Variants in C1QTNF5 observed in about 807,000 individuals in gnomAD.
C1QTNF5 encodes the protein C1q and TNF related 5.
C1QTNF5 carries 5 observed loss-of-function variants against 10.9 expected under a neutral mutation model. The observed-to-expected ratio is 0.46, with a 90% CI of 0.24 to 0.97. C1QTNF5 has a LOEUF of 0.97. C1QTNF5 is among the 50% of genes least tolerant of loss of function. The pLI is 0.19. For missense variants in C1QTNF5, 281 were observed against 339.4 expected (o/e 0.83, Z 1.35); for synonymous variants, 161 against 156.5 (o/e 1.03, Z -0.22).
chr11:119,344,922 C>T (rs752266854), upstream of C1QTNF5: 15 of 1,611,798 alleles, frequency 9.3e-6, no homozygotes, highest in African/African-American at 1.3e-5. Flanking sequence ...CCAAATCCTT[C>T]CACACTGCTG....
upstream of C1QTNF5, chr11:119,345,299 C>T (rs1388319994): frequency 5.8e-6 from 6 of 1,035,026 alleles, no homozygotes; most frequent in African/African-American, 3.2e-5. Flanking sequence ...CAGAGCTGGG[C>T]CCAGAGGTCT....
In C1QTNF5 at chr11:119,339,688, G is replaced by A. The variant is rs749765891; in HGVS notation, c.375C>T (p.Phe125=). The A allele has an allele frequency of 5.0e-6, 8 of 1,609,324 alleles. No homozygotes were observed. In the African/African-American group the frequency reaches 1.1e-4, roughly 21 times the overall value. ...VPPPSDAPLP[F]DRVLVNEQGH... ...CCTGCTCGTTCACCAGCACGCGGTC[G>A]AAGGGCAAGGGTGCGTCAGACGGCG... is the stretch of plus-strand genomic sequence containing the variant. Residue 125 remains phenylalanine, a synonymous_variant, in exon 3 of 3, where the codon TTC becomes TTT. Coordinates refer to ENST00000528368, the MANE Select transcript of C1QTNF5 (RefSeq NM_001278431.2). The surrounding 1 kb of genome is among the most constrained non-coding windows in gnomAD (Gnocchi z 5.4).
At chr11:119,345,809 G>A (rs749547721), upstream of C1QTNF5, 3 of 1,613,854 alleles carry the variant, frequency 1.9e-6, no homozygotes, top group South Asian at 3.3e-5. Context: ...GACTCCTGCT[G>A]CCCTTTAGGG....
chr11:119,344,494 A>C, upstream of C1QTNF5: 3 of 1,569,656 alleles, frequency 1.9e-6, no homozygotes, highest in Non-Finnish European at 2.6e-6. Flanking sequence ...TGCCCATGGG[A>C]AACAAGTTCT....
At chr11:119,342,926 C>T (rs1950517799), upstream of C1QTNF5, 1 of 1,612,694 alleles carries the variant, frequency 6.2e-7, no homozygotes, top group Non-Finnish European at 8.5e-7. Flanking sequence ...ACTGCTGATG[C>T]CATGATCTGT....
At chr11:119,345,821 T>C, upstream of C1QTNF5, 3 of 1,613,700 alleles carry the variant, frequency 1.9e-6, no homozygotes, top group Non-Finnish European at 2.5e-6. Flanking sequence ...CCTTTAGGGG[T>C]CCCAGCTGCC....
upstream of C1QTNF5, chr11:119,344,185 C>T (rs1565294269): frequency 3.0e-6 from 3 of 1,007,900 alleles, no homozygotes; most frequent in East Asian, 4.9e-5. Flanking sequence ...TTCCCCCATC[C>T]CCCGTCTGCT....
At position 119,340,302 on chromosome 11, in the gene C1QTNF5, G is replaced by C. The variant is rs760578346; in HGVS notation, c.96C>G (p.Pro32=). The C allele has an allele frequency of 8.5e-6, 13 of 1,535,396 alleles. No individual in the cohort carries two copies. The highest frequency in any genetic ancestry group is 2.8e-5 in the African/African-American group (2 of 70,868). Residue 32 remains proline (P), a synonymous_variant, in exon 2 of 3, where the codon CCC becomes CCG. Coordinates refer to ENST00000528368, the MANE Select transcript of C1QTNF5 (RefSeq NM_001278431.2). ...GGTGGCCCGGCGTGCCTGGAAGGCC[G>C]GGGTGCCCCGGGCAGAGGCTGGGGA... ...NKIPSLCPGH[P]GLPGTPGHHG... is the part of the protein sequence containing the mutation.
upstream of C1QTNF5, chr11:119,344,802 C>A: frequency 6.2e-7 from 1 of 1,613,754 alleles, no homozygotes; most frequent in Non-Finnish European, 8.5e-7. Flanking sequence ...AGTCTCCACC[C>A]CTTTGACAGG....
rs375027689 is a variant in C1QTNF5 at position 119,340,421 on chromosome 11, C to G, written c.-24G>C. The G allele has an allele frequency of 6.5e-7, 1 of 1,539,182 alleles. No individual in the cohort carries two copies. Among genetic ancestry groups the G allele is most frequent in the African/African-American group, 1.4e-5 (1 of 72,566 alleles). The stretch of plus-strand genomic sequence containing the variant: ...ATAGCGCTGGCACCGGGAGCCCGGA[C>G]GCCGGGGTCCTCTCGCAGTCTGTGG... On this transcript the variant is annotated 5_prime_UTR_variant, in exon 2 of 3. Coordinates refer to ENST00000528368, the MANE Select transcript of C1QTNF5 (RefSeq NM_001278431.2).
chr11:119,345,982 T>C, the C1QTNF5 span: 5 of 1,613,322 alleles, frequency 3.1e-6, no homozygotes, highest in East Asian at 1.1e-4. Context: ...CCTGGGAGGC[T>C]GGGAGAGCGG....
chr11:119,344,021 C>A, upstream of C1QTNF5: 3 of 1,604,930 alleles, frequency 1.9e-6, no homozygotes, highest in Non-Finnish European at 2.5e-6. Context: ...TCATCCCGGG[C>A]ACCCAGAAGG....
At chr11:119,344,524 C>T (rs1253665032), upstream of C1QTNF5, 35 of 1,594,070 alleles carry the variant, frequency 2.2e-5, no homozygotes, top group Non-Finnish European at 2.5e-5. Context: ...AATGACTGAG[C>T]AGGAAATGCT....
the C1QTNF5 span, chr11:119,346,126 C>A: frequency 6.2e-7 from 1 of 1,603,604 alleles, no homozygotes; most frequent in Non-Finnish European, 8.5e-7. Context: ...CCAGGAGAAG[C>A]GGCAGTCTGG....
At chr11:119,346,143 C>G in the C1QTNF5 span, 1 of 1,596,304 alleles carries the variant, frequency 6.3e-7, no homozygotes, top group Admixed American at 1.8e-5. Flanking sequence ...CTGGCCGTAG[C>G]CCTCGAGGAC....
At chr11:119,344,863 A>G (rs1040406752), upstream of C1QTNF5, 40 of 1,613,318 alleles carry the variant, frequency 2.5e-5, no homozygotes, top group Non-Finnish European at 3.3e-5. Context: ...GGCAGGTGGG[A>G]ACACACTCAC....
At chr11:119,345,483 C>T (rs371531353), upstream of C1QTNF5, 114 of 1,613,972 alleles carry the variant, frequency 7.1e-5, no homozygotes, top group Non-Finnish European at 8.7e-5. Flanking sequence ...AGAGGCCACA[C>T]TCTCTATGCT....
chr11:119,339,482 C>G lies in C1QTNF5; in HGVS notation c.581G>C (p.Gly194Ala). ...CTCAGGCTCCAGCCTCACCATGGCC[C>G]CCCCCGAGAGCGAGGCTGGCTTGGG... ...GWPKPASLSG[G>A]AMVRLEPEDQ... Residue 194 changes from glycine (G) to alanine (A), a missense_variant, in exon 3 of 3, where the codon GGG (glycine) becomes GCG (alanine). Transcript: ENST00000528368. This position sits in a 1 kb window ranked among gnomAD's most constrained non-coding sequence, Gnocchi z 5.4. 4 of 1,613,612 alleles carry G rather than the reference C, an allele frequency of 2.5e-6. No individual in the cohort carries two copies. The highest frequency in any genetic ancestry group is 1.3e-5 in the African/African-American group (1 of 74,894).
chr11:119,346,125 G>A, the C1QTNF5 span: 1 of 1,603,890 alleles, frequency 6.2e-7, no homozygotes, highest in Non-Finnish European at 8.5e-7. Flanking sequence ...GCCAGGAGAA[G>A]CGGCAGTCTG....
Sources: allele counts gnomAD v4.1 joint callset, GRCh38; gene constraint gnomAD v4.1.1; non-coding constraint Gnocchi (gnomAD v3.1); transcripts MANE v1.5; gene names NCBI Gene and HGNC (gene_info 2026-07-23, HGNC 2026-07-21).